Variants in AKAP19 observed in about 807,000 individuals in gnomAD.
AKAP19 encodes the protein small A-kinase anchoring protein.
the AKAP19 span, among the ~76,000 whole-genome samples, chr2:189,966,991 A>T: frequency 6.6e-6 from 1 of 152,184 alleles, no homozygotes; most frequent in Non-Finnish European, 1.5e-5. Flanking sequence ...TTAAATTGCA[A>T]TTTCCCTTTC....
the AKAP19 span, among the ~76,000 whole-genome samples, chr2:189,987,676 T>A: frequency 6.6e-6 from 1 of 152,208 alleles, no homozygotes; most frequent in African/African-American, 2.4e-5. Context: ...AGGGGATTTT[T>A]CTAAAATATC....
chr2:189,974,309 T>C, the AKAP19 span, among the ~76,000 whole-genome samples: 1 of 152,256 alleles, frequency 6.6e-6, no homozygotes, highest in East Asian at 1.9e-4. Flanking sequence ...TTCTTAATCC[T>C]GAGTTCTAGT....
At chr2:190,050,647 G>GA in the AKAP19 span, among the ~76,000 whole-genome samples, 9 of 152,148 alleles carry the variant, frequency 5.9e-5, no homozygotes, top group Admixed American at 2.6e-4. Context: ...ATCAGAATCA[G>GA]AAAAAAATGG....
chr2:190,138,697 A>G, the AKAP19 span, among the ~76,000 whole-genome samples: 1 of 152,140 alleles, frequency 6.6e-6, no homozygotes, highest in Non-Finnish European at 1.5e-5. Context: ...TTGAAACCCC[A>G]AGGAGCTTAC....
chr2:189,982,987 A>T, the AKAP19 span, among the ~76,000 whole-genome samples: 1 of 152,206 alleles, frequency 6.6e-6, no homozygotes, highest in South Asian at 2.1e-4. Flanking sequence ...AATCCAGTAG[A>T]TGGCACTGAA....
chr2:189,990,811 TG>T, the AKAP19 span, among the ~76,000 whole-genome samples: 6 of 152,208 alleles, frequency 3.9e-5, no homozygotes, highest in Admixed American at 2.0e-4. Context: ...ACCCATCACC[TG>T]AGCAGTGTAC....
chr2:190,176,506 C>G, the AKAP19 span, among the ~76,000 whole-genome samples: 1 of 152,048 alleles, frequency 6.6e-6, no homozygotes, highest in African/African-American at 2.4e-5. This position sits in a 1 kb window ranked among gnomAD's most constrained non-coding sequence, Gnocchi z 4.7. Context: ...TGCCACCACA[C>G]CCGGCTAATT....
chr2:190,128,016 A>G, the AKAP19 span, among the ~76,000 whole-genome samples: 2 of 152,216 alleles, frequency 1.3e-5, no homozygotes, highest in Non-Finnish European at 2.9e-5. Context: ...AATTTAATAA[A>G]GTAATAAGGA....
the AKAP19 span, among the ~76,000 whole-genome samples, chr2:189,957,525 C>A: frequency 6.6e-6 from 1 of 152,146 alleles, no homozygotes; most frequent in Non-Finnish European, 1.5e-5. Flanking sequence ...CCACCAAAAC[C>A]AGAGAAAACA....
the AKAP19 span, among the ~76,000 whole-genome samples, chr2:190,101,502 C>T: frequency 6.6e-6 from 1 of 151,982 alleles, no homozygotes; most frequent in African/African-American, 2.4e-5. Context: ...GCAGCCTGAG[C>T]CTCCCACCCT....
chr2:190,043,794 T>C, the AKAP19 span, among the ~76,000 whole-genome samples: 7 of 152,326 alleles, frequency 4.6e-5, no homozygotes, highest in Non-Finnish European at 8.8e-5. Context: ...GGAGATCTTA[T>C]GTTGGTTCTT....
chr2:190,045,370 A>G, the AKAP19 span, among the ~76,000 whole-genome samples: 1 of 151,864 alleles, frequency 6.6e-6, no homozygotes, highest in Admixed American at 6.6e-5. Flanking sequence ...TCCCTCTGGA[A>G]GCACCGTCCC....
the AKAP19 span, among the ~76,000 whole-genome samples, chr2:189,984,426 G>A: frequency 3.9e-5 from 6 of 152,234 alleles, 1 homozygote; most frequent in South Asian, 4.1e-4. Flanking sequence ...CCAGCTCACC[G>A]GTGGTCAGAT....
At chr2:190,192,796 A>C in the AKAP19 span, among the ~76,000 whole-genome samples, 1 of 152,206 alleles carries the variant, frequency 6.6e-6, no homozygotes, top group East Asian at 1.9e-4. Context: ...ATGCTATTGC[A>C]AATGGCATTA....
the AKAP19 span, among the ~76,000 whole-genome samples, chr2:190,096,250 A>G: frequency 2.6e-5 from 4 of 152,200 alleles, no homozygotes; most frequent in Non-Finnish European, 5.9e-5. Context: ...TAACAAGAGA[A>G]ACATACAGGA....
chr2:190,095,185 G>A, the AKAP19 span, among the ~76,000 whole-genome samples: 7 of 152,260 alleles, frequency 4.6e-5, no homozygotes, highest in East Asian at 1.3e-3. Flanking sequence ...TCACACCACT[G>A]CACTCTAGTC....
chr2:190,038,901 T>TTCCTCTTC, the AKAP19 span, among the ~76,000 whole-genome samples: 3 of 46,002 alleles, frequency 6.5e-5, no homozygotes, highest in South Asian at 9.8e-4. Flanking sequence ...TCTTTCTTTC[T>TTCCTCTTC]TTCTTCTTCT....
At chr2:190,043,282 T>C in the AKAP19 span, among the ~76,000 whole-genome samples, 87 of 152,360 alleles carry the variant, frequency 5.7e-4, no homozygotes, top group African/African-American at 2.0e-3. Flanking sequence ...TATCCTGAAA[T>C]ATGTTTTCCA....
the AKAP19 span, among the ~76,000 whole-genome samples, chr2:190,069,788 A>G: frequency 6.6e-6 from 1 of 152,180 alleles, no homozygotes; most frequent in Non-Finnish European, 1.5e-5. Flanking sequence ...TATGATAGGT[A>G]CTATGCCAGG....
Sources: gnomAD v4.1 joint callset for allele counts (sites outside exome capture counted in the v4.1 genomes callset) on GRCh38, gnomAD v4.1.1 for gene constraint, Gnocchi (gnomAD v3.1) non-coding constraint, MANE v1.5 for transcripts, NCBI Gene and HGNC (gene_info 2026-07-23, HGNC 2026-07-21) for gene names.